The following CREB1 variants were observed in gnomAD, a reference collection of about 807,000 sequenced individuals.
The protein encoded by CREB1 is cyclic AMP-responsive element-binding protein 1.
A neutral mutation model predicts 42.0 loss-of-function variants in CREB1; 2 were observed. The ratio of observed to expected loss-of-function variants is 0.05; its 90% CI spans 0.02 to 0.15. The LOEUF (loss-of-function observed/expected upper bound fraction) is 0.15, where lower values mean the gene tolerates loss of function less well. Among genes scored for constraint, CREB1 ranks in the 10% least tolerant of loss-of-function variants. The pLI is 1.00. For missense variants in CREB1, 199 were observed against 388.9 expected (o/e 0.51, Z 4.11); for synonymous variants, 123 against 139.9 (o/e 0.88, Z 0.85).
chr2:207,587,120 G>A (rs573543984), intron 7 of CREB1, among the ~76,000 whole-genome samples: 68 of 152,284 alleles, frequency 4.5e-4, no homozygotes, highest in African/African-American at 1.5e-3. Flanking sequence ...AGGGCCAGGC[G>A]TGGTGGCTCA....
intron 7 of CREB1, 119 bp downstream of exon 7, chr2:207,577,774 C>A: frequency 8.2e-7 from 1 of 1,224,084 alleles, no homozygotes; most frequent in Non-Finnish European, 1.2e-6. Context: ...TTTTTTCCAG[C>A]AGAATTAATG....
rs191157228 is a variant in CREB1 at position 207,597,596 on chromosome 2, C to T, written c.*538C>T. 46 of 208,992 alleles carry T rather than the reference C, an allele frequency of 2.2e-4. No individual in the cohort carries two copies. The highest frequency in any genetic ancestry group is 4.0e-4 in the Non-Finnish European group (41 of 102,518). The allele number at this position is 208,992 out of a possible 1,614,324, so 12.9% of individuals were successfully genotyped here. The stretch of plus-strand genomic sequence containing the variant: ...CATACCCTCTAAAAAAGAACTTTAG[C>T]ATGGTATTGAAGGAATTAGAAATGA... On this transcript the variant is annotated 3_prime_UTR_variant, in exon 8 of 8. Coordinates refer to ENST00000353267, the MANE Select transcript of CREB1 (RefSeq NM_004379.5).
chr2:207,545,963 G>A (rs1025277430), intron 1 of CREB1, among the ~76,000 whole-genome samples: 5 of 151,616 alleles, frequency 3.3e-5, no homozygotes, highest in African/African-American at 7.3e-5. Context: ...TTGAACTCCC[G>A]ACCTCAGGTG....
intron 2 of CREB1, among the ~76,000 whole-genome samples, chr2:207,557,621 G>A (rs2106465527): frequency 6.6e-6 from 1 of 152,228 alleles, no homozygotes; most frequent in East Asian, 1.9e-4. Flanking sequence ...CCGCACCACT[G>A]CACTCCAGCC....
chr2:207,579,510 TTTTC>T (rs1469384547), intron 7 of CREB1, among the ~76,000 whole-genome samples: 2 of 152,210 alleles, frequency 1.3e-5, no homozygotes, highest in Non-Finnish European at 2.9e-5. Flanking sequence ...TTCTATTTAT[TTTTC>T]TTTCAGATTT....
intron 1 of CREB1, among the ~76,000 whole-genome samples, chr2:207,540,382 T>G (rs1340703777): frequency 2.6e-5 from 4 of 151,942 alleles, no homozygotes; most frequent in Non-Finnish European, 4.4e-5. Context: ...GGCTCACGCC[T>G]GTAATCCTAG....
chr2:207,572,813 CAA>C (rs1232230431), intron 5 of CREB1, among the ~76,000 whole-genome samples: 12 of 117,420 alleles, frequency 1.0e-4, no homozygotes, highest in Admixed American at 3.6e-4. Context: ...GACTCCATCT[CAA>C]AAAAAAAAAA....
intron 4 of CREB1, 82 bp from the exon 5 acceptor site, chr2:207,570,097 T>G: frequency 9.5e-7 from 1 of 1,048,040 alleles, no homozygotes; most frequent in Non-Finnish European, 1.3e-6. Context: ...TTTCTGTGAG[T>G]TTTCTCATCT....
chr2:207,537,224 A>G (rs1354971989), intron 1 of CREB1, among the ~76,000 whole-genome samples: 1 of 151,782 alleles, frequency 6.6e-6, no homozygotes, highest in Non-Finnish European at 1.5e-5. Flanking sequence ...CCAGCTAAAG[A>G]GACAGGGTTT....
chr2:207,555,673 G>A lies in CREB1; in HGVS notation c.38G>A (p.Gly13Glu), dbSNP rs2081688514. ...TCTGGAGCCGAGAACCAGCAGAGTG[G>A]AGATGCAGCTGTAACAGAAGCTGAA... ...MESGAENQQS[G>E]DAAVTEAENQ... The change falls in exon 2 of 8, where the codon GGA becomes GAA. Residue 13 changes from glycine (G) to glutamate (E), a missense_variant. By Grantham distance (98) the Gly-to-Glu change is moderately conservative (BLOSUM62 -2). Transcript: ENST00000353267. 1 of 1,613,374 alleles carries A rather than the reference G, an allele frequency of 6.2e-7. No individual in the cohort carries two copies.
chr2:207,567,650 T>G (rs2082189569), intron 4 of CREB1, 87 bp downstream of exon 4: 2 of 788,842 alleles, frequency 2.5e-6, no homozygotes, highest in South Asian at 3.3e-5. Context: ...CAGTTAGTTG[T>G]TCACGTCAGT....
intron 2 of CREB1, among the ~76,000 whole-genome samples, 186 bp from the exon 3 acceptor site, chr2:207,560,038 AGT>A (rs2081893184): frequency 6.6e-6 from 1 of 152,180 alleles, no homozygotes; most frequent in East Asian, 1.9e-4. Context: ...ATAGGGGTAT[AGT>A]TTTTGGTGTT....
chr2:207,593,254 G>A (rs9679258), intron 7 of CREB1, among the ~76,000 whole-genome samples: 48,366 of 152,006 alleles, frequency 0.32, 7,978 homozygotes, highest in South Asian at 0.49. Context: ...GGCTGGGTGC[G>A]GTGGCTCATG....
chr2:207,592,884 G>T (rs936692671), intron 7 of CREB1, among the ~76,000 whole-genome samples: 4 of 75,134 alleles, frequency 5.3e-5, no homozygotes, highest in Non-Finnish European at 1.1e-4. Context: ...CTGCACTCCA[G>T]CCTGGCGACA....
Position 207,555,657 on chromosome 2 carries a change from G to A in CREB1, c.22G>A (p.Glu8Lys), listed in dbSNP as rs367727829. 32 of 1,612,366 alleles carry A rather than the reference G, an allele frequency of 2.0e-5. No individual in the cohort carries two copies. Among genetic ancestry groups the A allele is most frequent in the African/African-American group, 6.7e-5 (5 of 74,838 alleles). The change falls in exon 2 of 8, where the codon GAG (glutamate) becomes AAG (lysine). Residue 8 changes from glutamate (E) to lysine (K), a missense_variant. Glu to Lys is a moderately conservative substitution (Grantham distance 56). Transcript: ENST00000353267. ...CTAAATGACCATGGAATCTGGAGCC[G>A]AGAACCAGCAGAGTGGAGATGCAGC... MTMESGA[E>K]NQQSGDAAVT...
In CREB1 at chr2:207,598,312, G is replaced by A; in HGVS notation, c.*1254G>A. On this transcript the variant is annotated 3_prime_UTR_variant, in exon 8 of 8. Transcript: ENST00000353267. ...ATTTTTTTGTTCTCTTGTAAAAAGAGTAGTTATTAGTTCTGCTTTAGCTTT... is the reference window on the plus strand; with the variant it reads ...ATTTTTTTGTTCTCTTGTAAAAAGAATAGTTATTAGTTCTGCTTTAGCTTT... The A allele has an allele frequency of 5.4e-6, 1 of 183,740 alleles. No individual in the cohort carries two copies. Among genetic ancestry groups the A allele is most frequent in the East Asian group, 8.8e-5 (1 of 11,300 alleles). 11.4% of individuals were successfully genotyped at this position (183,740 alleles called of 1,614,324 possible).
intron 7 of CREB1, chr2:207,581,584 C>A (rs1238848837): frequency 3.5e-5 from 10 of 286,680 alleles, no homozygotes; most frequent in Middle Eastern, 2.0e-3. Context: ...CAAACCAGTA[C>A]AAAGGTAAAT....
chr2:207,574,647 A>G (rs1207077851), intron 5 of CREB1, among the ~76,000 whole-genome samples: 5 of 152,324 alleles, frequency 3.3e-5, no homozygotes, highest in African/African-American at 1.2e-4. Flanking sequence ...TTTTTTCTAA[A>G]TGATGATCTT....
intron 1 of CREB1, among the ~76,000 whole-genome samples, chr2:207,549,670 C>G (rs113358848): frequency 2.0e-5 from 3 of 152,178 alleles, no homozygotes; most frequent in African/African-American, 7.2e-5. Context: ...GTCAGGAAAT[C>G]GAGACCGTCC....
Sources: allele counts gnomAD v4.1 joint callset (sites outside exome capture counted in the v4.1 genomes callset), GRCh38; gene constraint gnomAD v4.1.1; transcripts MANE v1.5; gene names NCBI Gene and HGNC (gene_info 2026-07-23, HGNC 2026-07-21).